Variants in MMD2 observed in about 807,000 individuals in gnomAD.
The protein encoded by MMD2 is monocyte to macrophage differentiation factor 2.
A neutral mutation model predicts 33.5 loss-of-function variants in MMD2; 30 were observed. The ratio of observed to expected loss-of-function variants is 0.90; its 90% CI spans 0.67 to 1.22. The LOEUF is 1.22. Among genes scored for constraint, MMD2 ranks in the 50% most tolerant of loss-of-function variants. The pLI is 0.00. For synonymous variants in MMD2, 129 were observed against 123.0 expected (o/e 1.05, Z -0.32); for missense variants, 364 against 325.4 (o/e 1.12, Z -0.91).
intron 1 of MMD2, among the ~76,000 whole-genome samples, chr7:4,958,360 A>C (rs1786445200): frequency 6.6e-6 from 1 of 152,174 alleles, no homozygotes; most frequent in African/African-American, 2.4e-5. Flanking sequence ...CTCAGATATC[A>C]CAATGTCTGT....
At position 4,916,840 on chromosome 7, in the gene MMD2, G is replaced by GC. The variant is rs2115098369; in HGVS notation, c.291-762dup. On this transcript the variant is annotated intron_variant, in intron 3 of 6. Transcript: ENST00000401401. ...AATTCCAGAGCGTTGGGAGGCTGAG[G>GC]CAAGAGAATTGCTTGAGCTCAGGAG... Among the ~76,000 whole-genome samples the GC allele has an allele frequency of 2.0e-5, 3 of 152,240 alleles. No homozygotes were observed. The South Asian group carries it at 6.2e-4, about 32-fold the overall frequency.
At chr7:4,905,671 C>T (rs182427524), downstream of MMD2, among the ~76,000 whole-genome samples, 2 of 152,056 alleles carry the variant, frequency 1.3e-5, no homozygotes, top group African/African-American at 4.8e-5. This position sits in a 1 kb window ranked among gnomAD's most constrained non-coding sequence, Gnocchi z 5.0. Context: ...CCTCTCCCAG[C>T]CCCAGGCCCA....
rs749980903 is a variant in MMD2 at position 4,916,088 on chromosome 7, G to T, written c.291-9C>A. On this transcript the variant is annotated splice_polypyrimidine_tract_variant and intron_variant, in intron 3 of 6. Transcript: ENST00000401401. ...GACAGTGTTCCACCATCCTAGGGCG[G>T]CAGAGAAGCCGGCAGTCACAGCCCC... 6.2e-7 allele frequency: 1 copy of T among 1,613,280 alleles called. No homozygotes were observed. Among genetic ancestry groups the T allele is most frequent in the East Asian group, 2.2e-5 (1 of 44,850 alleles).
In MMD2 at chr7:4,945,205, T is replaced by TCTTCTTCTTCTTCTTCTTCTTCTTCTC. The variant is rs1786033036; in HGVS notation, c.47+13765_47+13766insGAGAAGAAGAAGAAGAAGAAGAAGAAG. 2.8e-5 allele frequency among the ~76,000 whole-genome samples: 4 copies of TCTTCTTCTTCTTCTTCTTCTTCTTCTC among 141,138 alleles called. No individual in the cohort carries two copies. The Admixed American group carries it at 3.0e-4, about 11-fold the overall frequency. The allele number at this position is 141,138 out of a possible 152,430, so 92.6% of individuals were successfully genotyped here. ...TCCTCTTTCTTCTTCTTCTTCTTCTTCTTCTTCTTCTTCTTCTTCTTCTTC... is the reference window on the plus strand; with the variant it reads ...TCCTCTTTCTTCTTCTTCTTCTTCTTCTTCTTCTTCTTCTTCTTCTTCTTCTCCTTCTTCTTCTTCTTCTTCTTCTTC... On this transcript the variant is annotated intron_variant, in intron 1 of 6. Transcript: ENST00000401401.
intron 1 of MMD2, among the ~76,000 whole-genome samples, chr7:4,952,642 A>G (rs1583404014): frequency 6.8e-6 from 1 of 146,298 alleles, no homozygotes; most frequent in East Asian, 2.0e-4. Flanking sequence ...CATGAACCCT[A>G]TTGTGAACTG....
chr7:4,924,488 G>A (rs1785371778), intron 2 of MMD2, among the ~76,000 whole-genome samples: 1 of 152,256 alleles, frequency 6.6e-6, no homozygotes, highest in African/African-American at 2.4e-5. Flanking sequence ...TTGAACTCAT[G>A]TCTGCATTGC....
chr7:4,908,075 G>C (rs916866120), intron 6 of MMD2, among the ~76,000 whole-genome samples: 4 of 151,810 alleles, frequency 2.6e-5, no homozygotes, highest in Non-Finnish European at 4.4e-5. Flanking sequence ...TTCCCAAAGT[G>C]ATGGCATTAC....
Position 4,946,145 on chromosome 7 carries a change from A to G in MMD2, c.47+12826T>C, listed in dbSNP as rs1395219618. ...CGCACACACCTGCACACGCACGCAC[A>G]CCCACACCCGCGCGCACACCTGCAC... is the stretch of plus-strand genomic sequence containing the variant. On this transcript the variant is annotated intron_variant, in intron 1 of 6. Transcript: ENST00000401401. This position sits in a 1 kb window ranked among gnomAD's most constrained non-coding sequence, Gnocchi z 5.0. 6.6e-6 allele frequency among the ~76,000 whole-genome samples: 1 copy of G among 150,496 alleles called. No homozygotes were observed. Among genetic ancestry groups the G allele is most frequent in the Non-Finnish European group, 1.5e-5 (1 of 67,648 alleles).
chr7:4,892,927 G>T, the MMD2 span, among the ~76,000 whole-genome samples: 1 of 152,056 alleles, frequency 6.6e-6, no homozygotes, highest in East Asian at 1.9e-4. Flanking sequence ...TGTTGACCAG[G>T]CTGGTCTCGA....
the MMD2 span, among the ~76,000 whole-genome samples, chr7:4,895,044 G>A: frequency 7.3e-5 from 11 of 151,168 alleles, no homozygotes; most frequent in East Asian, 5.9e-4. Flanking sequence ...ACGCTCAGCC[G>A]CTTGCATCCC....
intron 2 of MMD2, among the ~76,000 whole-genome samples, chr7:4,920,732 C>G (rs939968297): frequency 1.8e-5 from 2 of 110,480 alleles, no homozygotes; most frequent in Admixed American, 1.3e-4. Context: ...CTCCCTTTCT[C>G]TCTTCCGTCC....
At chr7:4,914,246 T>C (rs982495797) in intron 4 of MMD2, among the ~76,000 whole-genome samples, 3 of 152,196 alleles carry the variant, frequency 2.0e-5, no homozygotes, top group African/African-American at 7.2e-5. Context: ...ACAACCCCAT[T>C]TGATAGTTTA....
At chr7:4,904,002 G>A (rs1387791291), downstream of MMD2, among the ~76,000 whole-genome samples, 1 of 152,124 alleles carries the variant, frequency 6.6e-6, no homozygotes, top group African/African-American at 2.4e-5. Flanking sequence ...GTGCAATCTT[G>A]GCTCACTACA....
intron 2 of MMD2, among the ~76,000 whole-genome samples, chr7:4,924,697 T>C (rs1479290577): frequency 6.6e-6 from 1 of 152,124 alleles, no homozygotes; most frequent in Non-Finnish European, 1.5e-5. Context: ...TTGGGAATGA[T>C]GGAAAGGGTT....
chr7:4,906,418 C>T lies in MMD2; in HGVS notation c.*978G>A. On this transcript the variant is annotated 3_prime_UTR_variant, in exon 7 of 7. Coordinates refer to ENST00000401401, the MANE Select transcript of MMD2 (RefSeq NM_198403.4). ...GTAGCCTCTAACAGCCACTGATTGG[C>T]ACCAAGAGAGAATCCAAATGTTGGC... The T allele has an allele frequency of 2.5e-6, 1 of 398,482 alleles. No individual in the cohort carries two copies. Among genetic ancestry groups the T allele is most frequent in the East Asian group, 3.6e-5 (1 of 28,066 alleles). 24.7% of individuals were successfully genotyped at this position (398,482 alleles called of 1,614,324 possible). A position where few individuals can be genotyped will look rare whatever the true frequency, so the allele number is the denominator to read the frequency against.
chr7:4,899,973 A>G, the MMD2 span, among the ~76,000 whole-genome samples: 1 of 151,996 alleles, frequency 6.6e-6, no homozygotes, highest in Non-Finnish European at 1.5e-5. Context: ...TGTCAGGACA[A>G]GCTGAAGGTA....
In MMD2 at chr7:4,952,128, G is replaced by A. The variant is rs1786261755; in HGVS notation, c.47+6843C>T. Among the ~76,000 whole-genome samples the A allele has an allele frequency of 3.9e-5, 6 of 152,216 alleles. No homozygotes were observed. In the South Asian group the frequency reaches 1.2e-3, roughly 31 times the overall value. ...GCCCACCACACGCCAGACCATGCTG[G>A]CCCCTTGGGGAACACAAGAGGGTTT... On this transcript the variant is annotated intron_variant, in intron 1 of 6. Coordinates refer to ENST00000401401, the MANE Select transcript of MMD2 (RefSeq NM_198403.4).
chr7:4,949,954 G>A (rs554461220), intron 1 of MMD2, among the ~76,000 whole-genome samples: 35 of 152,154 alleles, frequency 2.3e-4, no homozygotes, highest in Non-Finnish European at 4.0e-4. Flanking sequence ...ACCTGCCCAC[G>A]TTACCATTTC....
chr7:4,920,997 G>A (rs527582805), intron 2 of MMD2, among the ~76,000 whole-genome samples: 12 of 152,288 alleles, frequency 7.9e-5, no homozygotes, highest in Admixed American at 2.0e-4. Flanking sequence ...GATTATAGGC[G>A]TGAGCCACCA....
Sources: gnomAD v4.1 joint callset for allele counts (sites outside exome capture counted in the v4.1 genomes callset) on GRCh38, gnomAD v4.1.1 for gene constraint, Gnocchi (gnomAD v3.1) non-coding constraint, MANE v1.5 for transcripts, NCBI Gene and HGNC (gene_info 2026-07-23, HGNC 2026-07-21) for gene names.